Variants in CORIN observed in about 807,000 individuals in gnomAD.
The protein encoded by CORIN is corin, serine peptidase.
CORIN carries 117 observed loss-of-function variants against 125.3 expected under a neutral mutation model. The ratio of observed to expected loss-of-function variants is 0.93; its 90% CI spans 0.80 to 1.09. The LOEUF (loss-of-function observed/expected upper bound fraction) is 1.09. Among genes scored for constraint, CORIN ranks in the 50% least tolerant of loss-of-function variants. The pLI is 0.00. For missense variants in CORIN, 1,253 were observed against 1,306.7 expected (o/e 0.96, Z 0.63); for synonymous variants, 450 against 466.4 (o/e 0.96, Z 0.45).
chr4:47,723,792 C>T (rs1289948732), intron 5 of CORIN, among the ~76,000 whole-genome samples: 2 of 151,844 alleles, frequency 1.3e-5, no homozygotes, highest in Admixed American at 6.6e-5. Context: ...GTCAGGAAAT[C>T]GAGACCATCC....
At chr4:47,630,740 G>C (rs1722773098) in intron 16 of CORIN, among the ~76,000 whole-genome samples, 1 of 152,148 alleles carries the variant, frequency 6.6e-6, no homozygotes, top group South Asian at 2.1e-4. Flanking sequence ...CAGAACTCTT[G>C]GACTCCTGAG....
At chr4:47,725,675 T>C (rs924602857) in intron 5 of CORIN, among the ~76,000 whole-genome samples, 1 of 152,084 alleles carries the variant, frequency 6.6e-6, no homozygotes, top group African/African-American at 2.4e-5. Flanking sequence ...TGGGAGAAAT[T>C]ATGAAGGAAA....
At chr4:47,661,372 G>A (rs1469267299) in intron 12 of CORIN, 1 of 177,166 alleles carries the variant, frequency 5.6e-6, no homozygotes, top group Non-Finnish European at 1.2e-5. Context: ...AATGCTTGGG[G>A]TGATGGATAT....
At chr4:47,707,016 T>C (rs1249506172) in intron 5 of CORIN, 3 of 1,490,884 alleles carry the variant, frequency 2.0e-6, no homozygotes, top group Non-Finnish European at 2.7e-6. Flanking sequence ...AATTCATACC[T>C]AATAAACAAT....
rs547911021 is a variant in CORIN, at chr4:47,726,992, G to A, written c.799+17410C>T. On this transcript the variant is annotated intron_variant, in intron 5 of 21. Coordinates refer to ENST00000273857, the MANE Select transcript of CORIN (RefSeq NM_006587.4). ...CTAAACAAAGTGCCTCAAAGTGAAA[G>A]AGTAATAAACAGATATTTGATAAAT... 2.6e-5 allele frequency among the ~76,000 whole-genome samples: 4 copies of A among 152,046 alleles called. No homozygotes were observed. In the Middle Eastern group the frequency reaches 0.014, roughly 517 times the overall value.
At chr4:47,600,419 CA>C in intron 20 of CORIN, 72 bp from the exon 21 acceptor site, 3 of 999,514 alleles carry the variant, frequency 3.0e-6, no homozygotes, top group Non-Finnish European at 4.2e-6. Flanking sequence ...TGAGGCTAGC[CA>C]AATATGAAAT....
chr4:47,616,301 A>G (rs921553400), intron 19 of CORIN, among the ~76,000 whole-genome samples: 7 of 152,110 alleles, frequency 4.6e-5, no homozygotes, highest in Non-Finnish European at 1.0e-4. Flanking sequence ...TAATATTCAC[A>G]TACCTTATAT....
chr4:47,670,325 C>G lies in CORIN; in HGVS notation c.1357+4068G>C, dbSNP rs141378819. On this transcript the variant is annotated intron_variant, in intron 10 of 21. Coordinates refer to ENST00000273857, the MANE Select transcript of CORIN (RefSeq NM_006587.4). ...AATATTGTATTCAATCTTTTTTTCA[C>G]TTATTAGAAAATGCACATGGAAATG... is the stretch of plus-strand genomic sequence containing the variant. Among the ~76,000 whole-genome samples, 120 of 152,210 alleles carry G rather than the reference C, an allele frequency of 7.9e-4. 2 individuals carry two copies. In the East Asian group the frequency reaches 0.021, roughly 27 times the overall value.
chr4:47,652,223 C>T (rs1723765414), intron 13 of CORIN, among the ~76,000 whole-genome samples: 1 of 152,090 alleles, frequency 6.6e-6, no homozygotes, highest in African/African-American at 2.4e-5. Flanking sequence ...AAAATTACCC[C>T]AGACATTGTA....
intron 3 of CORIN, among the ~76,000 whole-genome samples, chr4:47,780,243 T>C (rs1730477889): frequency 6.6e-6 from 1 of 151,916 alleles, no homozygotes; most frequent in African/African-American, 2.4e-5. Flanking sequence ...TGTATGTGTA[T>C]ATGTTCATAT....
chr4:47,637,053 T>A (rs1723053359), intron 16 of CORIN, among the ~76,000 whole-genome samples: 1 of 152,174 alleles, frequency 6.6e-6, no homozygotes, highest in Non-Finnish European at 1.5e-5. Flanking sequence ...TGGTCTCAGA[T>A]GGAAATGAGG....
chr4:47,631,070 TG>T (rs1486314235), intron 16 of CORIN, among the ~76,000 whole-genome samples: 1 of 152,150 alleles, frequency 6.6e-6, no homozygotes, highest in Non-Finnish European at 1.5e-5. Flanking sequence ...TAAATGCTAT[TG>T]ACAAGTTATA....
At chr4:47,690,294 G>T (rs1041842640) in intron 6 of CORIN, among the ~76,000 whole-genome samples, 2 of 152,066 alleles carry the variant, frequency 1.3e-5, no homozygotes, top group African/African-American at 4.8e-5. Flanking sequence ...TTTAAGACTG[G>T]GTTCAAATTT....
chr4:47,605,673 C>T (rs894417763), intron 19 of CORIN, among the ~76,000 whole-genome samples: 5 of 152,096 alleles, frequency 3.3e-5, no homozygotes, highest in South Asian at 2.1e-4. Context: ...TCAACCCAGG[C>T]TGAACACTGA....
At chr4:47,668,381 T>C (rs975235757) in intron 10 of CORIN, among the ~76,000 whole-genome samples, 3 of 152,224 alleles carry the variant, frequency 2.0e-5, no homozygotes, top group African/African-American at 7.2e-5. Flanking sequence ...CATTTATCCA[T>C]ACATGCCTTT....
chr4:47,727,730 T>G (rs1422007615), intron 5 of CORIN, among the ~76,000 whole-genome samples: 2 of 152,156 alleles, frequency 1.3e-5, no homozygotes, highest in Admixed American at 1.3e-4. Context: ...GCTTATAATT[T>G]TTTAATGTTT....
At chr4:47,779,018 A>AT in intron 3 of CORIN, among the ~76,000 whole-genome samples, 1 of 152,350 alleles carries the variant, frequency 6.6e-6, no homozygotes, top group Admixed American at 6.5e-5. Context: ...AAAAAATAAC[A>AT]TCTCCATTTC....
At chr4:47,622,249 T>C (rs1722351715) in intron 19 of CORIN, among the ~76,000 whole-genome samples, 1 of 152,022 alleles carries the variant, frequency 6.6e-6, no homozygotes, top group Non-Finnish European at 1.5e-5. Context: ...CAGTCTATCA[T>C]TGTTGGACAT....
At chr4:47,711,419 C>T (rs1726836142) in intron 5 of CORIN, among the ~76,000 whole-genome samples, 1 of 151,400 alleles carries the variant, frequency 6.6e-6, no homozygotes, top group African/African-American at 2.5e-5. Flanking sequence ...GCAAGTCATT[C>T]TTCTACTTCA....
Sources: allele counts gnomAD v4.1 joint callset (sites outside exome capture counted in the v4.1 genomes callset), GRCh38; gene constraint gnomAD v4.1.1; transcripts MANE v1.5; gene names NCBI Gene and HGNC (gene_info 2026-07-23, HGNC 2026-07-21).